Variants in UBE2QL1 observed in about 807,000 individuals in gnomAD.
UBE2QL1 encodes ubiquitin conjugating enzyme E2 QL1.
In UBE2QL1, 5 loss-of-function variants were observed where a neutral mutation model predicts 12.6. The ratio of observed to expected loss-of-function variants is 0.40; its 90% CI spans 0.21 to 0.83. The LOEUF (loss-of-function observed/expected upper bound fraction) is 0.83. UBE2QL1 is among the 40% of genes least tolerant of loss of function. The pLI, the probability that UBE2QL1 is intolerant of heterozygous loss-of-function variation, is 0.37. For synonymous variants in UBE2QL1, 96 were observed against 94.5 expected (o/e 1.02, Z -0.10); for missense variants, 99 against 222.6 (o/e 0.44, Z 3.53).
intron 1 of UBE2QL1, among the ~76,000 whole-genome samples, chr5:6,475,646 T>C (rs1284681027): frequency 8.3e-6 from 1 of 121,210 alleles, no homozygotes; most frequent in Non-Finnish European, 1.6e-5. Context: ...AAGAAACCAG[T>C]GTGAGCCAAG....
At chr5:6,480,305 G>C (rs531805210) in intron 1 of UBE2QL1, among the ~76,000 whole-genome samples, 1 of 152,288 alleles carries the variant, frequency 6.6e-6, no homozygotes, top group East Asian at 1.9e-4. Flanking sequence ...CTGTAAAATA[G>C]ACCTGATGAC....
At chr5:6,489,406 A>G (rs1246379347) in intron 1 of UBE2QL1, among the ~76,000 whole-genome samples, 4 of 151,572 alleles carry the variant, frequency 2.6e-5, no homozygotes, top group Non-Finnish European at 5.9e-5. Context: ...CCTGGATGAC[A>G]GAGCAAGATC....
intron 1 of UBE2QL1, among the ~76,000 whole-genome samples, chr5:6,449,462 C>G (rs1049396952): frequency 1.3e-5 from 2 of 152,138 alleles, no homozygotes; most frequent in African/African-American, 4.8e-5. Context: ...TCCCGTCTCT[C>G]CCGTCCCCGT....
rs1183040026 is a variant in UBE2QL1, at chr5:6,479,898, C to T, written c.355-11320C>T. Reference sequence around the variant, plus strand: ...CATGTGCTGCAAAGACCAGAATGTACGTAGTAAAGGTAGACTCAGGGCCCT... The same window carrying T: ...CATGTGCTGCAAAGACCAGAATGTATGTAGTAAAGGTAGACTCAGGGCCCT... On this transcript the variant is annotated intron_variant, in intron 1 of 1. Transcript: ENST00000399816. This position sits in a 1 kb window ranked among gnomAD's most constrained non-coding sequence, Gnocchi z 4.2. Among the ~76,000 whole-genome samples, 5 of 152,122 alleles carry T rather than the reference C, an allele frequency of 3.3e-5. No individual in the cohort carries two copies. Among genetic ancestry groups the T allele is most frequent in the African/African-American group, 7.2e-5 (3 of 41,422 alleles).
At chr5:6,458,601 G>A (rs1181636615) in intron 1 of UBE2QL1, among the ~76,000 whole-genome samples, 1 of 152,176 alleles carries the variant, frequency 6.6e-6, no homozygotes. Context: ...TGCCCATATT[G>A]CTTCCCGTAA....
intron 1 of UBE2QL1, among the ~76,000 whole-genome samples, chr5:6,482,841 C>T (rs1396042559): frequency 6.6e-6 from 1 of 152,166 alleles, no homozygotes; most frequent in Non-Finnish European, 1.5e-5. Context: ...CACAGGAGCG[C>T]CCAAGCTGGG....
intron 1 of UBE2QL1, among the ~76,000 whole-genome samples, chr5:6,459,076 G>A (rs186529030): frequency 2.3e-3 from 355 of 152,186 alleles, no homozygotes; most frequent in African/African-American, 8.1e-3. Flanking sequence ...CATCCAATGT[G>A]AACAATGCCT....
intron 1 of UBE2QL1, among the ~76,000 whole-genome samples, chr5:6,486,052 A>C (rs975888075): frequency 7.2e-5 from 11 of 152,186 alleles, no homozygotes; most frequent in Non-Finnish European, 7.4e-5. Flanking sequence ...TAGCTGAAAA[A>C]ATAAGAAGCC....
rs115711421 is a variant in UBE2QL1, at chr5:6,476,667, C to T, written c.355-14551C>T. Among the ~76,000 whole-genome samples, 206 of 152,328 alleles carry T rather than the reference C, an allele frequency of 1.4e-3. No individual in the cohort carries two copies. The highest frequency in any genetic ancestry group is 2.6e-3 in the Non-Finnish European group (179 of 68,030). On this transcript the variant is annotated intron_variant, in intron 1 of 1. Coordinates refer to ENST00000399816, the MANE Select transcript of UBE2QL1 (RefSeq NM_001145161.3). This position sits in a 1 kb window ranked among gnomAD's most constrained non-coding sequence, Gnocchi z 4.9. ...CAAAGCACACTCTGCGAATGCATGG[C>T]AGGTTTGGGGCAGTACCTTTTGGTT...
intron 1 of UBE2QL1, among the ~76,000 whole-genome samples, chr5:6,464,616 G>A (rs530936897): frequency 6.6e-6 from 1 of 152,204 alleles, no homozygotes; most frequent in Non-Finnish European, 1.5e-5. Flanking sequence ...GACTTACGGC[G>A]CTCAGAGCCA....
At chr5:6,484,426 TTC>T (rs898338372) in intron 1 of UBE2QL1, among the ~76,000 whole-genome samples, 11 of 152,296 alleles carry the variant, frequency 7.2e-5, no homozygotes, top group Non-Finnish European at 1.6e-4. Context: ...ACGCATGCTC[TTC>T]TGCGGTGCCT....
chr5:6,488,730 A>T (rs1450373178), intron 1 of UBE2QL1, among the ~76,000 whole-genome samples: 3 of 151,638 alleles, frequency 2.0e-5, no homozygotes, highest in African/African-American at 7.3e-5. Flanking sequence ...AGCCCAGGAG[A>T]TCAAGGTTGC....
At chr5:6,480,985 T>G (rs1734347635) in intron 1 of UBE2QL1, among the ~76,000 whole-genome samples, 1 of 152,170 alleles carries the variant, frequency 6.6e-6, no homozygotes, top group Non-Finnish European at 1.5e-5. Flanking sequence ...TACACTTTTT[T>G]AAAGAACCAG....
intron 1 of UBE2QL1, among the ~76,000 whole-genome samples, chr5:6,477,956 T>C (rs1734275014): frequency 6.6e-6 from 1 of 152,166 alleles, no homozygotes; most frequent in Non-Finnish European, 1.5e-5. Flanking sequence ...TAAAGTCAAA[T>C]ACCTGCTTGG....
At position 6,451,439 on chromosome 5, in the gene UBE2QL1, C is replaced by T. The variant is rs192887759; in HGVS notation, c.354+2192C>T. 5.4e-3 allele frequency among the ~76,000 whole-genome samples: 821 copies of T among 152,254 alleles called. 8 individuals carry two copies. The highest frequency in any genetic ancestry group is 0.019 in the African/African-American group (778 of 41,526). ...TCTGTATTTAAAATTGAGATTCTAACATACAGTTTGCAAGTGAGAGATTTC... is the reference window on the plus strand; with the variant it reads ...TCTGTATTTAAAATTGAGATTCTAATATACAGTTTGCAAGTGAGAGATTTC... On this transcript the variant is annotated intron_variant, in intron 1 of 1. Coordinates refer to ENST00000399816, the MANE Select transcript of UBE2QL1 (RefSeq NM_001145161.3).
chr5:6,480,017 AT>A (rs1322432678), intron 1 of UBE2QL1, among the ~76,000 whole-genome samples: 5 of 152,252 alleles, frequency 3.3e-5, no homozygotes, highest in Non-Finnish European at 5.9e-5. Context: ...GACACAGGTA[AT>A]TGGTGGCCAA....
intron 1 of UBE2QL1, among the ~76,000 whole-genome samples, chr5:6,477,141 T>C (rs1260738862): frequency 2.6e-5 from 4 of 152,154 alleles, no homozygotes; most frequent in Non-Finnish European, 2.9e-5. Flanking sequence ...TGACACTGTC[T>C]CAAACAGCCC....
intron 1 of UBE2QL1, among the ~76,000 whole-genome samples, chr5:6,467,389 G>A (rs1739819521): frequency 6.6e-6 from 1 of 152,084 alleles, no homozygotes; most frequent in South Asian, 2.1e-4. Flanking sequence ...GGATCCCGAG[G>A]CTGCTGCTTG....
At chr5:6,482,986 C>T (rs901186058) in intron 1 of UBE2QL1, among the ~76,000 whole-genome samples, 3 of 152,210 alleles carry the variant, frequency 2.0e-5, no homozygotes, top group African/African-American at 4.8e-5. Context: ...TCCGTGGTTG[C>T]GCACCACCCA....
Sources: allele counts gnomAD v4.1 joint callset (sites outside exome capture counted in the v4.1 genomes callset), GRCh38; gene constraint gnomAD v4.1.1; non-coding constraint Gnocchi (gnomAD v3.1); transcripts MANE v1.5; gene names NCBI Gene and HGNC (gene_info 2026-07-23, HGNC 2026-07-21).